The following BCAR3 variants were observed in gnomAD, a reference collection of about 807,000 sequenced individuals.
The protein encoded by BCAR3 is breast cancer anti-estrogen resistance protein 3.
Under a neutral mutation model 80.1 loss-of-function variants are expected in BCAR3, and 37 were observed. That is an observed-to-expected ratio of 0.46 (90% CI 0.36 to 0.61). BCAR3 has a LOEUF of 0.61. BCAR3 is among the 20% of genes least tolerant of loss of function. BCAR3 has a pLI of 0.00. For missense variants in BCAR3, 978 were observed against 1,068.2 expected (o/e 0.92, Z 1.18); for synonymous variants, 389 against 418.9 (o/e 0.93, Z 0.87).
intron 2 of BCAR3, among the ~76,000 whole-genome samples, chr1:93,756,915 C>A (rs1651767275): frequency 6.6e-6 from 1 of 152,114 alleles, no homozygotes; most frequent in African/African-American, 2.4e-5. Flanking sequence ...GGTGCCTGGC[C>A]TTACAAAATT....
intron 10 of BCAR3, 22 bp downstream of exon 10, chr1:93,567,718 C>G: frequency 2.5e-6 from 4 of 1,599,600 alleles, no homozygotes; most frequent in Non-Finnish European, 3.4e-6. Context: ...TAGCCCCATG[C>G]TTGCTCTGCC....
chr1:93,615,004 C>CTTTTT (rs912095250), intron 3 of BCAR3, among the ~76,000 whole-genome samples: 2 of 121,984 alleles, frequency 1.6e-5, no homozygotes, highest in African/African-American at 3.0e-5. Flanking sequence ...TCAACGAGTT[C>CTTTTT]TTTTTTTTTT....
intron 2 of BCAR3, among the ~76,000 whole-genome samples, chr1:93,787,781 A>G (rs573681899): frequency 6.6e-6 from 1 of 152,170 alleles, no homozygotes; most frequent in Non-Finnish European, 1.5e-5. Context: ...AAGAATATAT[A>G]TTCTTCAGTT....
intron 2 of BCAR3, among the ~76,000 whole-genome samples, chr1:93,730,827 C>T (rs775822286): frequency 6.6e-6 from 1 of 152,224 alleles, no homozygotes; most frequent in African/African-American, 2.4e-5. Context: ...CCCCACCTCC[C>T]TTGAGTGTGG....
At chr1:93,776,090 C>A (rs538519065) in intron 2 of BCAR3, among the ~76,000 whole-genome samples, 1 of 152,234 alleles carries the variant, frequency 6.6e-6, no homozygotes, top group South Asian at 2.1e-4. Flanking sequence ...AAGAGAAACT[C>A]AATTTCCTAG....
At chr1:93,757,559 C>T (rs1338295929) in intron 2 of BCAR3, among the ~76,000 whole-genome samples, 1 of 152,198 alleles carries the variant, frequency 6.6e-6, no homozygotes, top group Non-Finnish European at 1.5e-5. Flanking sequence ...CATCACGACT[C>T]CTCTGCACTT....
chr1:93,609,262 A>G (rs1674876714), intron 3 of BCAR3, among the ~76,000 whole-genome samples: 1 of 152,210 alleles, frequency 6.6e-6, no homozygotes, highest in African/African-American at 2.4e-5. Flanking sequence ...CTGCAAAGAC[A>G]GTCGAATATA....
chr1:93,584,141 G>C lies in BCAR3; in HGVS notation c.930-20C>G. 1 of 1,601,280 alleles carries C rather than the reference G, an allele frequency of 6.2e-7. No homozygotes were observed. Among genetic ancestry groups the C allele is most frequent in the Non-Finnish European group, 8.6e-7 (1 of 1,169,578 alleles). ...TTGTTTCTGAAGTAAAAGACACATA[G>C]GATGGAAATGTGTTACTAACGTGTA... On this transcript the variant is annotated intron_variant, in intron 5 of 11. Transcript: ENST00000260502.
chr1:93,725,934 T>C (rs774192099), intron 2 of BCAR3, among the ~76,000 whole-genome samples: 10 of 152,258 alleles, frequency 6.6e-5, no homozygotes, highest in Non-Finnish European at 1.3e-4. Context: ...CTCTATTCTG[T>C]TCCATTGGCC....
chr1:93,582,512 G>A lies in BCAR3; in HGVS notation c.1475C>T (p.Ala492Val), dbSNP rs747484719. 1.2e-6 allele frequency: 2 copies of A among 1,614,044 alleles called. No homozygotes were observed. The highest frequency in any genetic ancestry group is 1.7e-6 in the Non-Finnish European group (2 of 1,179,988). ...GTCCCACTGCCCCTTCTCCATCTGA[G>A]CTGCCGCAGGTTCCCAAGGTCTTTC... Reference protein sequence around the residue: ...DRERPWEPAAAQMEKGQWDKG... With the variant: ...DRERPWEPAAVQMEKGQWDKG... Residue 492 changes from alanine to valine, a missense_variant, in exon 7 of 12, where the codon GCT becomes GTT. Physicochemically the swap from Ala to Val is moderately conservative, Grantham distance 64. Coordinates refer to ENST00000260502, the MANE Select transcript of BCAR3 (RefSeq NM_003567.4).
intron 8 of BCAR3, among the ~76,000 whole-genome samples, chr1:93,575,620 C>A (rs955963397): frequency 5.9e-5 from 9 of 152,184 alleles, no homozygotes; most frequent in African/African-American, 2.2e-4. Context: ...GCAATCTTAA[C>A]CCCCAAAGAG....
intron 3 of BCAR3, among the ~76,000 whole-genome samples, chr1:93,606,443 T>G (rs1341145894): frequency 6.6e-6 from 1 of 152,098 alleles, no homozygotes; most frequent in Non-Finnish European, 1.5e-5. Flanking sequence ...GGTAATATCA[T>G]GAAGACCTAC....
chr1:93,613,973 T>C, intron 3 of BCAR3: 1 of 1,548,788 alleles, frequency 6.5e-7, no homozygotes, highest in Non-Finnish European at 8.7e-7. Context: ...TTCTTTAGGG[T>C]TAAAAGAAAG....
rs370349003 is a variant in BCAR3, at chr1:93,835,003, CA to C, written c.-63+10563del. On this transcript the variant is annotated intron_variant, in intron 2 of 13. Coordinates refer to the BCAR3 transcript ENST00000370244. ...TCCACCAGGCCTAATTGCCATTCAC[CA>C]GCAAAGGCAGGCTATGTTATAGTAT... 1.5e-4 allele frequency among the ~76,000 whole-genome samples: 22 copies of C among 151,422 alleles called. No homozygotes were observed. In the East Asian group the frequency reaches 4.3e-3, roughly 30 times the overall value.
At chr1:93,745,637 T>G (rs1452033591) in intron 2 of BCAR3, among the ~76,000 whole-genome samples, 1 of 152,220 alleles carries the variant, frequency 6.6e-6, no homozygotes, top group East Asian at 1.9e-4. Flanking sequence ...ATTCTCATCT[T>G]GTCTCTTCCA....
chr1:93,571,027 A>C (rs1673189345), intron 9 of BCAR3, among the ~76,000 whole-genome samples: 1 of 151,740 alleles, frequency 6.6e-6, no homozygotes, highest in Non-Finnish European at 1.5e-5. Context: ...AACATGGCAA[A>C]ACCCCGTCTC....
chr1:93,677,875 A>G (rs1166630414), intron 1 of BCAR3, among the ~76,000 whole-genome samples: 1 of 152,210 alleles, frequency 6.6e-6, no homozygotes, highest in East Asian at 1.9e-4. Flanking sequence ...TAAAGGCAAT[A>G]TTTAAACCAG....
At chr1:93,576,195 A>G in intron 7 of BCAR3, 66 bp from the exon 8 acceptor site, 3 of 1,229,620 alleles carry the variant, frequency 2.4e-6, no homozygotes, top group Admixed American at 1.7e-5. Flanking sequence ...TGAATTCAGC[A>G]TATGAGAAGA....
At chr1:93,639,133 T>C (rs1675897618) in intron 3 of BCAR3, among the ~76,000 whole-genome samples, 1 of 152,152 alleles carries the variant, frequency 6.6e-6, no homozygotes, top group Non-Finnish European at 1.5e-5. Flanking sequence ...CCATGCATAT[T>C]TTCCTCCATT....
Sources: gnomAD v4.1 joint callset for allele counts (sites outside exome capture counted in the v4.1 genomes callset) on GRCh38, gnomAD v4.1.1 for gene constraint, MANE v1.5 for transcripts, NCBI Gene and HGNC (gene_info 2026-07-23, HGNC 2026-07-21) for gene names.